The following TEX11 variants were observed in gnomAD, a reference collection of about 807,000 sequenced individuals.
The protein encoded by TEX11 is testis expressed 11, also known as testis-expressed protein 11.
Under a neutral mutation model 84.4 loss-of-function variants are expected in TEX11, and 7 were observed. The ratio of observed to expected loss-of-function variants is 0.08; its 90% CI spans 0.05 to 0.16. The LOEUF (loss-of-function observed/expected upper bound fraction) is 0.16. TEX11 is among the 10% of genes least tolerant of loss of function. TEX11 has a pLI of 1.00. For missense variants in TEX11, 551 were observed against 660.5 expected, an observed-to-expected ratio of 0.83 and a Z score of 1.82; for synonymous variants, 264 against 222.8, an observed-to-expected ratio of 1.18 and a Z score of -1.64.
At chrX:70,583,979 G>T (rs1219676447) in intron 25 of TEX11, among the ~76,000 whole-genome samples, 1 of 112,197 alleles carries the variant, frequency 8.9e-6, no homozygotes. Flanking sequence ...AGATAACTTA[G>T]ATAAAATGAC....
chrX:70,858,425 G>A (rs1319979713), intron 5 of TEX11, among the ~76,000 whole-genome samples: 1 of 99,144 alleles, frequency 1.0e-5, no homozygotes, highest in Non-Finnish European at 2.0e-5. Context: ...CTGGGCGACA[G>A]AGTGAGACTC....
intron 9 of TEX11, among the ~76,000 whole-genome samples, chrX:70,783,187 C>T (rs750577241): frequency 7.2e-5 from 8 of 111,873 alleles, no homozygotes; most frequent in African/African-American, 2.6e-4. Flanking sequence ...TCACTCAAAA[C>T]ACACAACTAC....
At chrX:70,560,840 A>C (rs1372772260) in intron 25 of TEX11, among the ~76,000 whole-genome samples, 2 of 101,544 alleles carry the variant, frequency 2.0e-5, no homozygotes, top group African/African-American at 7.4e-5. Context: ...TTCTTGCCTC[A>C]GCCTCCCAAG....
At chrX:70,563,950 C>T (rs1479637088) in intron 25 of TEX11, among the ~76,000 whole-genome samples, 2 of 111,953 alleles carry the variant, frequency 1.8e-5, no homozygotes, top group Admixed American at 9.5e-5. Context: ...GGCCTGATGC[C>T]GGGTGTGGTG....
intron 5 of TEX11, among the ~76,000 whole-genome samples, chrX:70,860,023 G>GA (rs1470723398): frequency 1.2e-4 from 13 of 111,454 alleles, no homozygotes; most frequent in African/African-American, 1.6e-4. Context: ...AAATTATAAG[G>GA]AAAAAATCTT....
At chrX:70,769,322 C>A (rs1338445271) in intron 9 of TEX11, among the ~76,000 whole-genome samples, 1 of 111,020 alleles carries the variant, frequency 9.0e-6, no homozygotes, top group African/African-American at 3.3e-5. Context: ...ACACCTTTAG[C>A]AACACTGACC....
chrX:70,522,696 G>A, the TEX11 span, among the ~76,000 whole-genome samples: 1 of 105,887 alleles, frequency 9.4e-6, no homozygotes, highest in Non-Finnish European at 1.9e-5. Flanking sequence ...ACCATGCCTG[G>A]CCAATTTTGT....
At chrX:70,671,910 T>TATAG (rs57166359) in intron 15 of TEX11, among the ~76,000 whole-genome samples, 6 of 67,983 alleles carry the variant, frequency 8.8e-5, no homozygotes, top group Admixed American at 2.1e-4. Flanking sequence ...TATATATATA[T>TATAG]ACACACACAC....
chrX:70,613,955 T>A (rs1308142461), intron 20 of TEX11, among the ~76,000 whole-genome samples: 1 of 110,939 alleles, frequency 9.0e-6, no homozygotes, highest in Non-Finnish European at 1.9e-5. Flanking sequence ...AGAGAACCCA[T>A]TGCCTTGAAG....
chrX:70,764,900 G>A (rs1344475197), intron 9 of TEX11, among the ~76,000 whole-genome samples: 3 of 110,895 alleles, frequency 2.7e-5, no homozygotes, highest in Admixed American at 9.7e-5. Context: ...AATATTTAAA[G>A]AACTAATACT....
intron 9 of TEX11, among the ~76,000 whole-genome samples, chrX:70,797,769 T>C (rs960429136): frequency 3.8e-5 from 4 of 104,762 alleles, no homozygotes; most frequent in African/African-American, 1.4e-4. Flanking sequence ...GTCATCTTGA[T>C]AGATGCAGAA....
chrX:70,833,632 ACAAGGT>A (rs751557842), intron 7 of TEX11, 39 bp from the exon 8 acceptor site: 1 of 1,069,451 alleles, frequency 9.4e-7, no homozygotes, highest in East Asian at 3.1e-5. Flanking sequence ...GGTTAAAATG[ACAAGGT>A]TATTTGTCTC....
At chrX:70,725,376 A>G (rs536460597) in intron 11 of TEX11, 33 bp from the exon 12 acceptor site, 1 of 1,026,049 alleles carries the variant, frequency 9.7e-7, no homozygotes, top group South Asian at 2.1e-5. Flanking sequence ...AATGATATTA[A>G]AATTGTGGAA....
At chrX:70,883,660 GA>G in intron 2 of TEX11, among the ~76,000 whole-genome samples, 1 of 111,441 alleles carries the variant, frequency 9.0e-6, no homozygotes, top group South Asian at 3.8e-4. Context: ...TGTACGTTTT[GA>G]AAAAAATTAT....
chrX:70,688,658 C>T (rs5981001), intron 13 of TEX11, among the ~76,000 whole-genome samples: 40,876 of 107,917 alleles, frequency 0.38, 6,895 homozygotes, highest in African/African-American at 0.64. Context: ...GAAAATACTA[C>T]GTGTGATACT....
chrX:70,726,697 AT>A (rs778110188), intron 11 of TEX11, among the ~76,000 whole-genome samples: 4 of 108,092 alleles, frequency 3.7e-5, no homozygotes, highest in Non-Finnish European at 5.8e-5. Flanking sequence ...CATCTGGCTC[AT>A]TTTTGTATTT....
In TEX11 at chrX:70,552,191, C is replaced by G. The variant is rs371524119; in HGVS notation, c.2455G>C (p.Glu819Gln). Reference sequence around the variant, plus strand: ...CAAACTTCTTCCAGGGGACAGAGCTCTACATTCGACGCCCCATCTGGCACT... The same window carrying G: ...CAAACTTCTTCCAGGGGACAGAGCTGTACATTCGACGCCCCATCTGGCACT... ...LSVPDGASNV[E>Q]LCPLEEVWGY... The change falls in exon 28 of 30, where the codon GAG (glutamate) becomes CAG (glutamine). Residue 819 changes from glutamate (E) to glutamine (Q), a missense_variant. Physicochemically the swap from Glu to Gln is conservative, Grantham distance 29. Coordinates refer to ENST00000374333, the MANE Select transcript of TEX11 (RefSeq NM_031276.3). 6 of 1,211,194 alleles carry G rather than the reference C, an allele frequency of 5.0e-6. No homozygotes were observed. The highest frequency in any genetic ancestry group is 6.7e-6 in the Non-Finnish European group (6 of 895,189).
At chrX:70,780,658 T>A (rs2091032906) in intron 9 of TEX11, among the ~76,000 whole-genome samples, 1 of 112,725 alleles carries the variant, frequency 8.9e-6, no homozygotes, top group African/African-American at 3.2e-5. Context: ...AAATTCCCTC[T>A]CGTGCCTGGC....
At chrX:70,622,028 T>A (rs2089401349) in intron 20 of TEX11, among the ~76,000 whole-genome samples, 1 of 111,597 alleles carries the variant, frequency 9.0e-6, no homozygotes, top group Non-Finnish European at 1.9e-5. Context: ...AGTACTTAGG[T>A]AGATACTGCT....
Sources: gnomAD v4.1 joint callset for allele counts (sites outside exome capture counted in the v4.1 genomes callset) on GRCh38, gnomAD v4.1.1 for gene constraint, MANE v1.5 for transcripts, NCBI Gene and HGNC (gene_info 2026-07-23, HGNC 2026-07-21) for gene names.